CSMD1: variants seen among roughly 807,000 people sequenced by gnomAD.
The protein encoded by CSMD1 is CUB and Sushi multiple domains 1, also known as CUB and sushi domain-containing protein 1.
In CSMD1, 213 loss-of-function variants were observed where a neutral mutation model predicts 417.5. That is an observed-to-expected ratio of 0.51 (90% confidence interval 0.46 to 0.57). The LOEUF (loss-of-function observed/expected upper bound fraction) is 0.57. Among genes scored for constraint, CSMD1 ranks in the 20% least tolerant of loss-of-function variants. The pLI is 0.00. For synonymous variants in CSMD1, 2,862 were observed against 1,736.8 expected (o/e 1.65, Z -16.11); for missense variants, 6,923 against 4,529.7 (o/e 1.53, Z -15.17).
At chr8:4,118,158 G>A (rs747008941) in intron 3 of CSMD1, among the ~76,000 whole-genome samples, 11 of 152,074 alleles carry the variant, frequency 7.2e-5, no homozygotes, top group African/African-American at 1.2e-4. Context: ...CTCAGTGGGA[G>A]CAGAGGGGTG....
At chr8:3,563,827 T>A (rs896798859) in intron 10 of CSMD1, among the ~76,000 whole-genome samples, 1 of 152,124 alleles carries the variant, frequency 6.6e-6, no homozygotes, top group African/African-American at 2.4e-5. Flanking sequence ...AGGCGGAGGT[T>A]GCAGTGAGCC....
chr8:3,325,594 C>T (rs540767332), intron 23 of CSMD1, among the ~76,000 whole-genome samples: 174 of 152,280 alleles, frequency 1.1e-3, no homozygotes, highest in African/African-American at 2.8e-3. Flanking sequence ...GAGGCCGAGG[C>T]GGGCAAATGG....
At position 4,881,841 on chromosome 8, in the gene CSMD1, T is replaced by A. The variant is rs148375381; in HGVS notation, c.85+112491A>T. On this transcript the variant is annotated intron_variant, in intron 1 of 69. Coordinates refer to ENST00000635120, the MANE Select transcript of CSMD1 (RefSeq NM_033225.6). ...ATAAGTAAAAGCCAAGATTCTACAA[T>A]TCGAGCATTATTTTGTTTTGTTATT... 4.8e-3 allele frequency among the ~76,000 whole-genome samples: 723 copies of A among 152,158 alleles called. 15 individuals are homozygous for A. Among genetic ancestry groups the A allele is most frequent in the African/African-American group, 0.017 (701 of 41,460 alleles).
At chr8:4,790,777 C>T (rs1201552357) in intron 1 of CSMD1, among the ~76,000 whole-genome samples, 1 of 152,144 alleles carries the variant, frequency 6.6e-6, no homozygotes, top group Non-Finnish European at 1.5e-5. Context: ...AATGGCTAGC[C>T]ATATGCAGAA....
At chr8:3,536,583 A>G (rs1295074860) in intron 10 of CSMD1, among the ~76,000 whole-genome samples, 1 of 152,186 alleles carries the variant, frequency 6.6e-6, no homozygotes, top group African/African-American at 2.4e-5. Context: ...CTTGGTAGTC[A>G]CTGTCTCCAT....
chr8:3,415,188 T>C lies in CSMD1; in HGVS notation c.1562-5583A>G, dbSNP rs529603425. Among the ~76,000 whole-genome samples the C allele has an allele frequency of 2.6e-5, 4 of 152,358 alleles. No individual in the cohort carries two copies. In the South Asian group the frequency reaches 8.3e-4, roughly 32 times the overall value. ...ATCTACAGCATGTTATTTTGAAATA[T>C]GTGTACGTATCATAATGGCTAAGCA... On this transcript the variant is annotated intron_variant, in intron 12 of 69. Transcript: ENST00000635120.
chr8:3,491,492 G>T (rs752719394), intron 11 of CSMD1, among the ~76,000 whole-genome samples: 1 of 152,142 alleles, frequency 6.6e-6, no homozygotes. Flanking sequence ...ATTATAATAA[G>T]TTGTGGTCCA....
intron 1 of CSMD1, among the ~76,000 whole-genome samples, chr8:4,758,314 C>T (rs1016268288): frequency 6.6e-6 from 1 of 152,118 alleles, no homozygotes; most frequent in South Asian, 2.1e-4. Flanking sequence ...ATGCTTAATT[C>T]GCTGGTTCTG....
intron 4 of CSMD1, among the ~76,000 whole-genome samples, chr8:4,029,917 G>A (rs193133904): frequency 6.6e-6 from 1 of 152,114 alleles, no homozygotes; most frequent in African/African-American, 2.4e-5. Context: ...GGGTCTACTG[G>A]CCCTATGTAA....
intron 18 of CSMD1, among the ~76,000 whole-genome samples, chr8:3,372,827 T>C (rs1280640756): frequency 6.6e-6 from 1 of 152,134 alleles, no homozygotes; most frequent in Non-Finnish European, 1.5e-5. Context: ...AGACCACAAC[T>C]ATGTGAGAAC....
chr8:4,907,160 T>G (rs555827807), intron 1 of CSMD1, among the ~76,000 whole-genome samples: 14 of 152,246 alleles, frequency 9.2e-5, no homozygotes, highest in African/African-American at 3.4e-4. Context: ...ATATTCTTAC[T>G]TAAATCACTT....
intron 1 of CSMD1, among the ~76,000 whole-genome samples, chr8:4,764,036 G>A (rs1217792239): frequency 1.3e-5 from 2 of 152,154 alleles, no homozygotes; most frequent in Non-Finnish European, 2.9e-5. Flanking sequence ...GCTGCTAGAT[G>A]CCCATGAATT....
At chr8:4,624,678 A>G (rs2061749) in intron 2 of CSMD1, among the ~76,000 whole-genome samples, 128,238 of 152,048 alleles carry the variant, frequency 0.84, 54,242 homozygotes, top group South Asian at 0.9. Context: ...TTTACACGGG[A>G]TATAATTCTC....
intron 4 of CSMD1, among the ~76,000 whole-genome samples, chr8:4,028,657 G>T (rs1347059091): frequency 1.3e-5 from 2 of 152,160 alleles, no homozygotes; most frequent in East Asian, 3.9e-4. Context: ...CTTGTGTTTG[G>T]GTCATAACAT....
At position 4,021,667 on chromosome 8, in the gene CSMD1, C is replaced by T. The variant is rs569695455; in HGVS notation, c.610+10238G>A. Among the ~76,000 whole-genome samples, 11 of 152,260 alleles carry T rather than the reference C, an allele frequency of 7.2e-5. No homozygotes were observed. The South Asian group carries it at 2.3e-3, about 32-fold the overall frequency. On this transcript the variant is annotated intron_variant, in intron 4 of 69. Transcript: ENST00000635120. ...TCTCCCCATCCCTTTTCTCTTTTGG[C>T]GCATACCTGCGAAACTTGTTCGGAG...
At chr8:4,847,736 G>A (rs565199918) in intron 1 of CSMD1, among the ~76,000 whole-genome samples, 23 of 150,202 alleles carry the variant, frequency 1.5e-4, no homozygotes, top group Non-Finnish European at 2.4e-4. Flanking sequence ...CAGTTTTCAG[G>A]ACCGTTGGTC....
At chr8:4,030,290 AC>A (rs1252490695) in intron 4 of CSMD1, among the ~76,000 whole-genome samples, 3 of 152,138 alleles carry the variant, frequency 2.0e-5, no homozygotes, top group African/African-American at 7.2e-5. Context: ...CTCCATGAGG[AC>A]CGCCACCCAT....
At chr8:3,738,006 A>C (rs1796610846) in intron 6 of CSMD1, among the ~76,000 whole-genome samples, 1 of 152,184 alleles carries the variant, frequency 6.6e-6, no homozygotes, top group Non-Finnish European at 1.5e-5. Flanking sequence ...TGACAAACTA[A>C]TGAAGTGAAA....
chr8:2,961,095 T>G (rs1803434916), intron 62 of CSMD1, 46 bp downstream of exon 62: 1 of 1,274,820 alleles, frequency 7.8e-7, no homozygotes. Flanking sequence ...AACAAATATA[T>G]TTTATATTTC....
Sources: gnomAD v4.1 joint callset for allele counts (sites outside exome capture counted in the v4.1 genomes callset) on GRCh38, gnomAD v4.1.1 for gene constraint, MANE v1.5 for transcripts, NCBI Gene and HGNC (gene_info 2026-07-23, HGNC 2026-07-21) for gene names.